XPO4: variants seen among roughly 807,000 people sequenced by gnomAD.
XPO4 encodes exportin 4.
Under a neutral mutation model 143.0 loss-of-function variants are expected in XPO4, and 39 were observed. The observed-to-expected ratio is 0.27, with a 90% confidence interval of 0.21 to 0.36. XPO4 has a LOEUF of 0.36. XPO4 is among the 10% of genes least tolerant of loss of function. The probability of loss-of-function intolerance (pLI) is 1.00; values close to 1 mark genes in which losing one functional copy is unlikely to be tolerated. For missense variants in XPO4, 907 were observed against 1,348.0 expected (o/e 0.67, Z 5.12); for synonymous variants, 439 against 474.0 (o/e 0.93, Z 0.96).
chr13:20,796,044 C>T lies in XPO4; in HGVS notation c.2797+32G>A, dbSNP rs58134738. 10,868 of 1,566,214 alleles carry T rather than the reference C, an allele frequency of 6.9e-3. 236 individuals are homozygous for T. The highest frequency in any genetic ancestry group is 0.059 in the African/African-American group (4,298 of 73,446). ...GATTTAATAAAAAGGAGGATAACAA[C>T]AAAGTTTAAAAACCATCACGTTACA... On this transcript the variant is annotated intron_variant, in intron 18 of 22. Transcript: ENST00000255305.
intron 1 of XPO4, among the ~76,000 whole-genome samples, chr13:20,886,950 G>A (rs974147275): frequency 1.3e-5 from 2 of 152,094 alleles, no homozygotes; most frequent in African/African-American, 2.4e-5. Context: ...GTGCATGCCT[G>A]TAATCCTAGC....
chr13:20,851,942 TG>T, intron 4 of XPO4: 3 of 985,292 alleles, frequency 3.0e-6, no homozygotes, highest in Non-Finnish European at 3.6e-6. Context: ...CAGGTTGCAG[TG>T]GGACTAGTTT....
chr13:20,840,035 C>T (rs1406369413), intron 6 of XPO4, among the ~76,000 whole-genome samples: 1 of 151,526 alleles, frequency 6.6e-6, no homozygotes, highest in Non-Finnish European at 1.5e-5. Flanking sequence ...AATATAGATA[C>T]AAAAAAGAAA....
At chr13:20,879,355 C>A in intron 1 of XPO4, 1 of 970,508 alleles carries the variant, frequency 1.0e-6, no homozygotes, top group Non-Finnish European at 1.2e-6. Flanking sequence ...CCGGTCTGGA[C>A]CTTAACAATA....
chr13:20,810,039 A>G (rs553360101), intron 9 of XPO4, 72 bp from the exon 10 acceptor site: 39 of 1,251,290 alleles, frequency 3.1e-5, no homozygotes, highest in Middle Eastern at 4.5e-4. Flanking sequence ...TCATATAAAT[A>G]CATACAAATA....
At position 20,796,051 on chromosome 13, in the gene XPO4, T is replaced by C. The variant is rs780112952; in HGVS notation, c.2797+25A>G. 5 of 1,588,136 alleles carry C rather than the reference T, an allele frequency of 3.1e-6. No homozygotes were observed. The South Asian group carries it at 5.8e-5, about 18-fold the overall frequency. On this transcript the variant is annotated intron_variant, in intron 18 of 22. Transcript: ENST00000255305. ...TAAAAAGGAGGATAACAACAAAGTT[T>C]AAAAACCATCACGTTACATTTTACC...
At chr13:20,859,107 G>A (rs2138112037) in intron 3 of XPO4, among the ~76,000 whole-genome samples, 1 of 151,884 alleles carries the variant, frequency 6.6e-6, no homozygotes, top group Non-Finnish European at 1.5e-5. Context: ...TGAGGCAGGA[G>A]GACTGTTTGA....
At chr13:20,850,426 A>G (rs1260455855) in intron 4 of XPO4, 1 of 228,968 alleles carries the variant, frequency 4.4e-6, no homozygotes, top group Non-Finnish European at 7.2e-6. Flanking sequence ...ATTATACTAC[A>G]CTGCCCCTAA....
At chr13:20,854,892 T>C (rs1303430698) in intron 4 of XPO4, among the ~76,000 whole-genome samples, 1 of 152,180 alleles carries the variant, frequency 6.6e-6, no homozygotes, top group Non-Finnish European at 1.5e-5. Flanking sequence ...TGAAGTCCCA[T>C]GGCCTATTAG....
rs57528913 is a variant in XPO4 at position 20,891,122 on chromosome 13, TAAA to T, written c.69+11545_69+11547del. On this transcript the variant is annotated intron_variant, in intron 1 of 22. Transcript: ENST00000255305. ...ACAAGAGCAAAACTCCATCTCAATTTAAAAAAAAAAAAAAAAAAAAAAAAAAAA... is the reference window on the plus strand; with the variant it reads ...ACAAGAGCAAAACTCCATCTCAATTTAAAAAAAAAAAAAAAAAAAAAAAAA... 4.7e-3 allele frequency among the ~76,000 whole-genome samples: 406 copies of T among 86,004 alleles called. 7 individuals carry two copies. Among genetic ancestry groups the T allele is most frequent in the African/African-American group, 0.02 (389 of 19,224 alleles). The allele number at this position is 86,004 out of a possible 152,430, so 56.4% of individuals were successfully genotyped here.
chr13:20,859,440 A>C (rs1020040657), intron 3 of XPO4, among the ~76,000 whole-genome samples: 3 of 152,148 alleles, frequency 2.0e-5, no homozygotes, highest in Non-Finnish European at 4.4e-5. Context: ...CTCTACTAAA[A>C]ATACAAAAAA....
At chr13:20,886,971 G>A (rs1308366752) in intron 1 of XPO4, among the ~76,000 whole-genome samples, 1 of 152,072 alleles carries the variant, frequency 6.6e-6, no homozygotes, top group African/African-American at 2.4e-5. Flanking sequence ...TACTCGTGAG[G>A]CTGAGGCAGA....
chr13:20,898,003 T>G (rs182819355), intron 1 of XPO4, among the ~76,000 whole-genome samples: 5 of 152,284 alleles, frequency 3.3e-5, no homozygotes, highest in African/African-American at 1.2e-4. Flanking sequence ...TCCACCTACT[T>G]TGGCCTCCCA....
intron 12 of XPO4, 88 bp from the exon 13 acceptor site, chr13:20,807,722 A>ACATCATAT: frequency 1.0e-6 from 1 of 988,450 alleles, no homozygotes; most frequent in Non-Finnish European, 1.4e-6. Flanking sequence ...TGATTTATAT[A>ACATCATAT]CATCATATAA....
chr13:20,889,695 G>A (rs1169739602), intron 1 of XPO4, among the ~76,000 whole-genome samples: 1 of 152,108 alleles, frequency 6.6e-6, no homozygotes, highest in Non-Finnish European at 1.5e-5. Context: ...GTCATTACAC[G>A]AGAATTACAT....
chr13:20,886,889 A>T (rs9506570), intron 1 of XPO4, among the ~76,000 whole-genome samples: 2 of 151,584 alleles, frequency 1.3e-5, no homozygotes, highest in Non-Finnish European at 2.9e-5. Context: ...GCCTGACCAA[A>T]ATGGAGAAAC....
chr13:20,797,035 CGCT>C lies in XPO4; in HGVS notation c.2342_2344del (p.Gln781del). ...TTCTTGGTTTATCACTCTTAAGAATCGCTGCTGAAGTGGCTGAAGAACCTATAA... is the reference window on the plus strand; with the variant it reads ...TTCTTGGTTTATCACTCTTAAGAATCGCTGAAGTGGCTGAAGAACCTATAA... On this transcript the variant is annotated inframe_deletion, in exon 17 of 23. Transcript: ENST00000255305. 6.2e-7 allele frequency: 1 copy of C among 1,604,182 alleles called. No homozygotes were observed. Among genetic ancestry groups the C allele is most frequent in the Non-Finnish European group, 8.5e-7 (1 of 1,174,904 alleles).
At chr13:20,888,263 C>T (rs1269796737) in intron 1 of XPO4, among the ~76,000 whole-genome samples, 1 of 151,590 alleles carries the variant, frequency 6.6e-6, no homozygotes, top group Non-Finnish European at 1.5e-5. Flanking sequence ...ATAAATCAAC[C>T]CTATTACATT....
In XPO4 at chr13:20,779,626, C is replaced by T. The variant is rs879566645; in HGVS notation, c.*4096G>A. On this transcript the variant is annotated 3_prime_UTR_variant, in exon 23 of 23. Transcript: ENST00000255305. ...CACCTCCCAGTTCCTAGGAGGGAAT[C>T]GCCACGGCCGACTTCAGCATTCTCG... 2.0e-5 allele frequency: 3 copies of T among 152,568 alleles called. No homozygotes were observed. Among genetic ancestry groups the T allele is most frequent in the Non-Finnish European group, 4.4e-5 (3 of 68,022 alleles). The allele number at this position is 152,568 out of a possible 1,614,324, so 9.5% of individuals were successfully genotyped here.
Sources: allele counts gnomAD v4.1 joint callset (sites outside exome capture counted in the v4.1 genomes callset), GRCh38; gene constraint gnomAD v4.1.1; transcripts MANE v1.5; gene names NCBI Gene and HGNC (gene_info 2026-07-23, HGNC 2026-07-21).